Variants in SPOP observed in about 807,000 individuals in gnomAD.
SPOP encodes speckle-type POZ protein.
SPOP carries 11 observed loss-of-function variants against 45.6 expected under a neutral mutation model. The observed-to-expected ratio is 0.24, with a 90% CI of 0.15 to 0.40. The LOEUF (loss-of-function observed/expected upper bound fraction) is 0.40. Ranked by LOEUF, SPOP falls within the 10% of genes least tolerant of loss-of-function variation. The pLI, the probability that SPOP is intolerant of heterozygous loss-of-function variation, is 1.00. For missense variants in SPOP, 152 were observed against 465.6 expected (o/e 0.33, Z 6.20); for synonymous variants, 166 against 166.3 (o/e 1.00, Z 0.01).
At chr17:49,650,270 G>A (rs1048656641) in intron 1 of SPOP, among the ~76,000 whole-genome samples, 1 of 152,070 alleles carries the variant, frequency 6.6e-6, no homozygotes, top group African/African-American at 2.4e-5. Context: ...TTTCCAGGAT[G>A]AGAAATTGGC....
In SPOP at chr17:49,607,325, C is replaced by A. The variant is rs1042535989; in HGVS notation, c.762G>T (p.Met254Ile). The A allele has an allele frequency of 6.2e-7, 1 of 1,613,978 alleles. No individual in the cohort carries two copies. The highest frequency in any genetic ancestry group is 8.5e-7 in the Non-Finnish European group (1 of 1,180,010). ...CCTTCCCCGTGTAAATGAAGCACATCATTTCCTTAAAAACTTCAGGCTCCA... is the reference window on the plus strand; with the variant it reads ...CCTTCCCCGTGTAAATGAAGCACATAATTTCCTTAAAAACTTCAGGCTCCA... Reference protein sequence around the residue: ...NDVEPEVFKEMMCFIYTGKAP... With the variant: ...NDVEPEVFKEIMCFIYTGKAP... The change falls in exon 8 of 10, where the codon ATG becomes ATT. Residue 254 changes from methionine to isoleucine, a missense_variant. Coordinates refer to ENST00000504102, the MANE Select transcript of SPOP (RefSeq NM_001007228.2).
intron 1 of SPOP, among the ~76,000 whole-genome samples, chr17:49,630,578 C>A (rs1389560890): frequency 6.7e-6 from 1 of 148,156 alleles, no homozygotes; most frequent in Non-Finnish European, 1.5e-5. Flanking sequence ...TAAAACTTTA[C>A]AAATTAAAGA....
In SPOP at chr17:49,611,321, A is replaced by G. The variant is rs2071967823; in HGVS notation, c.617T>C (p.Val206Ala). 1.9e-6 allele frequency: 3 copies of G among 1,614,066 alleles called. No homozygotes were observed. Among genetic ancestry groups the G allele is most frequent in the Admixed American group, 1.7e-5 (1 of 60,006 alleles). ...NSRFTDCCLC[V>A]AGQEFQAHKA... ...GTGAGCCTGGAATTCCTGGCCGGCA[A>G]CACACAAGCAGCAGTCTGTGAACCG... The change falls in exon 6 of 10, where the codon GTT becomes GCT. Residue 206 changes from valine to alanine, a missense_variant. This residue lies in a region of SPOP where 106 missense variants were observed against 255.2 expected (regional missense o/e 0.42). Transcript: ENST00000504102.
At chr17:49,654,208 A>C (rs1394962926) in intron 1 of SPOP, among the ~76,000 whole-genome samples, 1 of 152,226 alleles carries the variant, frequency 6.6e-6, no homozygotes, top group Non-Finnish European at 1.5e-5. Context: ...TCCAGAGGTG[A>C]TAAACATGTT....
At chr17:49,662,280 T>C (rs1443030310) in intron 1 of SPOP, among the ~76,000 whole-genome samples, 1 of 152,202 alleles carries the variant, frequency 6.6e-6, no homozygotes, top group East Asian at 1.9e-4. Context: ...TACTACTACA[T>C]GAGACAAATT....
At chr17:49,663,254 T>C (rs1422155205) in intron 1 of SPOP, among the ~76,000 whole-genome samples, 1 of 152,088 alleles carries the variant, frequency 6.6e-6, no homozygotes, top group Non-Finnish European at 1.5e-5. Context: ...GAAATGCAAA[T>C]GGGAGGGATC....
intron 1 of SPOP, among the ~76,000 whole-genome samples, chr17:49,673,333 A>G (rs1376794707): frequency 6.6e-6 from 1 of 152,152 alleles, no homozygotes; most frequent in African/African-American, 2.4e-5. Context: ...GTGAAACACC[A>G]TCTCTACTAA....
chr17:49,619,766 C>T lies in SPOP; in HGVS notation c.201-381G>A, dbSNP rs1357411729. Among the ~76,000 whole-genome samples, 1 of 152,132 alleles carries T rather than the reference C, an allele frequency of 6.6e-6. No individual in the cohort carries two copies. The highest frequency in any genetic ancestry group is 6.5e-5 in the Admixed American group (1 of 15,274). ...TCTTGAATGCTTGAGCTCAAGCGAT[C>T]CGTCTGCCTCAGCCTCCCAGAGTGC... On this transcript the variant is annotated intron_variant, in intron 3 of 9. Transcript: ENST00000504102. The surrounding 1 kb of genome is among the most constrained non-coding windows in gnomAD (Gnocchi z 4.9).
intron 1 of SPOP, among the ~76,000 whole-genome samples, chr17:49,670,238 C>A (rs2073120194): frequency 6.6e-6 from 1 of 152,180 alleles, no homozygotes; most frequent in Non-Finnish European, 1.5e-5. Flanking sequence ...TTTAGAATTT[C>A]TTTTTCCTGT....
At chr17:49,649,728 C>A (rs2143483516) in intron 1 of SPOP, among the ~76,000 whole-genome samples, 1 of 150,578 alleles carries the variant, frequency 6.6e-6, no homozygotes, top group South Asian at 2.1e-4. Context: ...GCTCGGGAGG[C>A]TGAGGCAGGA....
chr17:49,667,448 G>T (rs1466028054), intron 1 of SPOP, among the ~76,000 whole-genome samples: 1 of 151,982 alleles, frequency 6.6e-6, no homozygotes, highest in Non-Finnish European at 1.5e-5. Flanking sequence ...AATTAGCTGG[G>T]CGTGGTGGCA....
chr17:49,644,830 T>C (rs971381136), intron 1 of SPOP, among the ~76,000 whole-genome samples: 2 of 152,134 alleles, frequency 1.3e-5, no homozygotes, highest in Admixed American at 6.6e-5. Flanking sequence ...CATACACACA[T>C]ACATACATAC....
intron 5 of SPOP, among the ~76,000 whole-genome samples, chr17:49,611,849 C>T (rs553886475): frequency 6.6e-6 from 1 of 151,412 alleles, no homozygotes; most frequent in Non-Finnish European, 1.5e-5. Flanking sequence ...ATAAATACTA[C>T]CATTTAAATT....
At chr17:49,615,567 T>C (rs1352537339) in intron 5 of SPOP, among the ~76,000 whole-genome samples, 1 of 152,132 alleles carries the variant, frequency 6.6e-6, no homozygotes, top group East Asian at 1.9e-4. Flanking sequence ...CAATGGCTAC[T>C]CACAAGCACG....
chr17:49,614,837 G>A (rs1444927503), intron 5 of SPOP, among the ~76,000 whole-genome samples: 1 of 133,486 alleles, frequency 7.5e-6, no homozygotes, highest in African/African-American at 2.6e-5. Flanking sequence ...GTGTGTGTGT[G>A]TGTGTGTATA....
chr17:49,644,724 A>C (rs761128495), intron 1 of SPOP, among the ~76,000 whole-genome samples: 1 of 152,210 alleles, frequency 6.6e-6, no homozygotes, highest in East Asian at 1.9e-4. Context: ...GAACTTATAT[A>C]CATATAAATA....
At position 49,598,988 on chromosome 17, in the gene SPOP, CG is replaced by C; in HGVS notation, c.*1389del. The C allele has an allele frequency of 5.0e-6, 1 of 199,496 alleles. No homozygotes were observed. The allele number at this position is 199,496 out of a possible 1,614,324, so 12.4% of individuals were successfully genotyped here. A position where few individuals can be genotyped will look rare whatever the true frequency, so the allele number is the denominator to read the frequency against. On this transcript the variant is annotated 3_prime_UTR_variant, in exon 10 of 10. Transcript: ENST00000504102. Reference sequence around the variant, plus strand: ...GGTGGGGATTAGGTCTTAAAACATACGGGGGGCAGTTTAAAAGCCCACTACC... The same window carrying C: ...GGTGGGGATTAGGTCTTAAAACATACGGGGGCAGTTTAAAAGCCCACTACC...
At position 49,599,352 on chromosome 17, in the gene SPOP, A is replaced by G. The variant is rs997687342; in HGVS notation, c.*1026T>C. 2.2e-5 allele frequency: 5 copies of G among 224,706 alleles called. No individual in the cohort carries two copies. The Admixed American group carries it at 2.3e-4, about 10-fold the overall frequency. The allele number at this position is 224,706 out of a possible 1,614,324, so 13.9% of individuals were successfully genotyped here. ...ACATTTGGAAGTTCTCCCCTGGAGG[A>G]AGAGGGGCTAGTCAGAAGGAACAGA... On this transcript the variant is annotated 3_prime_UTR_variant, in exon 10 of 10. Coordinates refer to ENST00000504102, the MANE Select transcript of SPOP (RefSeq NM_001007228.2).
intron 1 of SPOP, among the ~76,000 whole-genome samples, chr17:49,624,842 T>TA (rs79231250): frequency 0.015 from 1,102 of 71,828 alleles, 6 homozygotes; most frequent in East Asian, 0.038. Flanking sequence ...AAAGACAAAC[T>TA]AAAAAAAAAA....
Sources: gnomAD v4.1 joint callset for allele counts (sites outside exome capture counted in the v4.1 genomes callset) on GRCh38, gnomAD v4.1.1 for gene constraint, gnomAD v4.1.1 regional missense constraint, Gnocchi (gnomAD v3.1) non-coding constraint, MANE v1.5 for transcripts, NCBI Gene and HGNC (gene_info 2026-07-23, HGNC 2026-07-21) for gene names.